The following RFX3 variants were observed in gnomAD, a reference collection of about 807,000 sequenced individuals.
RFX3 encodes the protein transcription factor RFX3.
RFX3 carries 14 observed loss-of-function variants against 98.6 expected under a neutral mutation model. The ratio of observed to expected loss-of-function variants is 0.14; its 90% CI spans 0.09 to 0.22. The LOEUF (loss-of-function observed/expected upper bound fraction) is 0.22. Ranked by LOEUF, RFX3 falls within the 10% of genes least tolerant of loss-of-function variation. RFX3 has a pLI of 1.00. For synonymous variants in RFX3, 383 were observed against 328.4 expected (o/e 1.17, Z -1.80); for missense variants, 639 against 926.9 (o/e 0.69, Z 4.03).
At chr9:3,515,506 G>A (rs987541532) in intron 1 of RFX3, among the ~76,000 whole-genome samples, 3 of 151,948 alleles carry the variant, frequency 2.0e-5, no homozygotes, top group Non-Finnish European at 2.9e-5. Context: ...CCCCACACCC[G>A]CCTAAACTTA....
rs976872268 is a variant in RFX3, at chr9:3,314,079, C to A, written c.475-12459G>T. On this transcript the variant is annotated intron_variant, in intron 4 of 16. Coordinates refer to ENST00000617270, the MANE Select transcript of RFX3 (RefSeq NM_001282116.2). ...CCAAGACACATAATTGTCAGATTCA[C>A]CAAAGTTGAAACAAAGGAAAAAATA... 5.8e-4 allele frequency among the ~76,000 whole-genome samples: 88 copies of A among 152,202 alleles called. 1 individual carries two copies. The highest frequency in any genetic ancestry group is 2.1e-3 in the African/African-American group (86 of 41,526).
chr9:3,335,457 C>T (rs1833062466), intron 3 of RFX3, among the ~76,000 whole-genome samples: 1 of 152,082 alleles, frequency 6.6e-6, no homozygotes, highest in Non-Finnish European at 1.5e-5. Context: ...TGCTTGCACA[C>T]TATTTTCTCC....
chr9:3,480,665 C>G (rs1429536933), intron 1 of RFX3, among the ~76,000 whole-genome samples: 2 of 152,132 alleles, frequency 1.3e-5, no homozygotes, highest in Non-Finnish European at 1.5e-5. Context: ...CAATGAGAGT[C>G]AATCTACGTT....
At chr9:3,337,398 A>T (rs1226967158) in intron 3 of RFX3, among the ~76,000 whole-genome samples, 1 of 152,240 alleles carries the variant, frequency 6.6e-6, no homozygotes, top group Non-Finnish European at 1.5e-5. Flanking sequence ...TTTGGAAACC[A>T]GGGACAAATA....
rs377308465 is a variant in RFX3 at position 3,498,655 on chromosome 9, C to T, written c.-9+27092G>A. ...CTGTTTAAATTTGGTACTATTATTG[C>T]TATTTTAATACCACAAGTCCTGTGC... is the stretch of plus-strand genomic sequence containing the variant. On this transcript the variant is annotated intron_variant, in intron 1 of 16. Coordinates refer to ENST00000617270, the MANE Select transcript of RFX3 (RefSeq NM_001282116.2). Among the ~76,000 whole-genome samples, 87 of 152,016 alleles carry T rather than the reference C, an allele frequency of 5.7e-4. No individual in the cohort carries two copies. In the South Asian group the frequency reaches 0.018, roughly 31 times the overall value.
intron 1 of RFX3, among the ~76,000 whole-genome samples, chr9:3,513,708 C>G (rs1012424546): frequency 1.3e-5 from 2 of 152,168 alleles, no homozygotes; most frequent in African/African-American, 4.8e-5. Context: ...ACAAATTACT[C>G]TGATCTGTAT....
chr9:3,333,898 T>C (rs190847254), intron 3 of RFX3, among the ~76,000 whole-genome samples: 2 of 152,306 alleles, frequency 1.3e-5, no homozygotes, highest in East Asian at 3.9e-4. Context: ...GACACTATTC[T>C]ATGTGCTTTT....
intron 1 of RFX3, among the ~76,000 whole-genome samples, chr9:3,512,196 C>G (rs1279187807): frequency 6.6e-6 from 1 of 151,810 alleles, no homozygotes; most frequent in Non-Finnish European, 1.5e-5. Context: ...TACATTGAAT[C>G]TGTTGTTAGC....
chr9:3,288,720 T>C (rs1826958251), intron 6 of RFX3, among the ~76,000 whole-genome samples: 1 of 152,160 alleles, frequency 6.6e-6, no homozygotes, highest in African/African-American at 2.4e-5. Context: ...TGGATAAGTT[T>C]GACATTTTTC....
chr9:3,422,177 A>G (rs1456692844), intron 1 of RFX3, among the ~76,000 whole-genome samples: 1 of 152,166 alleles, frequency 6.6e-6, no homozygotes, highest in Non-Finnish European at 1.5e-5. Context: ...CTTCAGCTAA[A>G]TCTTCCTGGC....
intron 15 of RFX3, among the ~76,000 whole-genome samples, chr9:3,245,179 C>T (rs1169600577): frequency 1.3e-5 from 2 of 152,156 alleles, no homozygotes; most frequent in Non-Finnish European, 2.9e-5. Context: ...ATCAGAAAGA[C>T]TTGAACTGTT....
intron 2 of RFX3, among the ~76,000 whole-genome samples, chr9:3,384,189 C>T (rs1005737429): frequency 8.1e-5 from 11 of 135,168 alleles, no homozygotes; most frequent in Admixed American, 2.3e-4. Flanking sequence ...TCTCCACATA[C>T]ACAATGACAC....
At chr9:3,245,681 A>G (rs1563793067) in intron 15 of RFX3, among the ~76,000 whole-genome samples, 1 of 152,356 alleles carries the variant, frequency 6.6e-6, no homozygotes, top group East Asian at 1.9e-4. Context: ...TTGATACAGC[A>G]AGACTATTAT....
At chr9:3,247,719 C>T in intron 15 of RFX3, 1 of 1,521,210 alleles carries the variant, frequency 6.6e-7, no homozygotes, top group Non-Finnish European at 8.8e-7. Flanking sequence ...GAGCACCAAT[C>T]TTTTTCCCAC....
At chr9:3,395,898 T>C (rs1275529646) in intron 1 of RFX3, among the ~76,000 whole-genome samples, 1 of 152,330 alleles carries the variant, frequency 6.6e-6, no homozygotes. Context: ...AATCCCTTTA[T>C]AAACTATCAT....
chr9:3,227,188 C>T (rs1331909157), intron 16 of RFX3, among the ~76,000 whole-genome samples: 1 of 152,084 alleles, frequency 6.6e-6, no homozygotes, highest in Admixed American at 6.6e-5. Context: ...AAAGGGAGCA[C>T]TGAAAAGACA....
intron 1 of RFX3, among the ~76,000 whole-genome samples, chr9:3,404,207 T>C (rs2132068428): frequency 6.6e-6 from 1 of 152,324 alleles, no homozygotes; most frequent in Middle Eastern, 3.4e-3. Flanking sequence ...AAAACCTCTA[T>C]ATATTCATAT....
At chr9:3,503,870 G>C (rs536613638) in intron 1 of RFX3, among the ~76,000 whole-genome samples, 1 of 151,848 alleles carries the variant, frequency 6.6e-6, no homozygotes, top group African/African-American at 2.4e-5. Context: ...ATTTAAATTA[G>C]CCATAAGTAA....
At chr9:3,321,584 T>C (rs1445570523) in intron 4 of RFX3, among the ~76,000 whole-genome samples, 4 of 152,246 alleles carry the variant, frequency 2.6e-5, no homozygotes, top group Non-Finnish European at 5.9e-5. Context: ...AAGAGTGGTC[T>C]ATAAATTTAA....
Sources: allele counts gnomAD v4.1 joint callset (sites outside exome capture counted in the v4.1 genomes callset), GRCh38; gene constraint gnomAD v4.1.1; transcripts MANE v1.5; gene names NCBI Gene and HGNC (gene_info 2026-07-23, HGNC 2026-07-21).